Variants in NRG3 observed in about 807,000 individuals in gnomAD.
NRG3 encodes the protein neuregulin 3.
Under a neutral mutation model 66.9 loss-of-function variants are expected in NRG3, and 31 were observed. The observed-to-expected ratio is 0.46, with a 90% CI of 0.35 to 0.63. The LOEUF (loss-of-function observed/expected upper bound fraction) is 0.63, where lower values mean the gene tolerates loss of function less well. Ranked by LOEUF, NRG3 falls within the 20% of genes least tolerant of loss-of-function variation. The probability of loss-of-function intolerance (pLI) is 0.00; values close to 1 mark genes in which losing one functional copy is unlikely to be tolerated. For missense variants in NRG3, 910 were observed against 878.9 expected, an observed-to-expected ratio of 1.04 and a Z score of -0.45; for synonymous variants, 393 against 359.4, an observed-to-expected ratio of 1.09 and a Z score of -1.06.
chr10:82,501,882 G>T (rs1400256609), intron 2 of NRG3, among the ~76,000 whole-genome samples: 1 of 152,066 alleles, frequency 6.6e-6, no homozygotes, highest in Non-Finnish European at 1.5e-5. Context: ...CCCAATCAAA[G>T]TGTTAGCTTA....
At chr10:82,606,503 G>A (rs532996903) in intron 2 of NRG3, among the ~76,000 whole-genome samples, 2 of 152,200 alleles carry the variant, frequency 1.3e-5, no homozygotes, top group Admixed American at 6.6e-5. Flanking sequence ...ATTGAATGAA[G>A]CATTCTGTAG....
intron 2 of NRG3, among the ~76,000 whole-genome samples, chr10:82,728,514 C>T (rs2057731299): frequency 6.6e-6 from 1 of 152,204 alleles, no homozygotes; most frequent in African/African-American, 2.4e-5. Flanking sequence ...TGCCTTCTGC[C>T]ATGATTGTGA....
intron 1 of NRG3, among the ~76,000 whole-genome samples, chr10:81,886,437 A>G (rs984024725): frequency 3.9e-5 from 6 of 152,196 alleles, no homozygotes; most frequent in Non-Finnish European, 8.8e-5. Context: ...GTCACTTTAA[A>G]AAAAGTGCTT....
chr10:82,231,940 C>A (rs1443008123), intron 1 of NRG3, among the ~76,000 whole-genome samples: 1 of 152,196 alleles, frequency 6.6e-6, no homozygotes, highest in Non-Finnish European at 1.5e-5. Context: ...CTGCTTTCAA[C>A]TTTATCTTTC....
intron 2 of NRG3, among the ~76,000 whole-genome samples, chr10:82,660,668 T>C (rs2052285481): frequency 6.6e-6 from 1 of 152,216 alleles, no homozygotes; most frequent in East Asian, 1.9e-4. Context: ...AGATTTCTGC[T>C]CAGGATCTTT....
At position 81,876,111 on chromosome 10, in the gene NRG3, T is replaced by C. The variant is rs1564625426; in HGVS notation, c.771T>C (p.Ser257=). 1 of 1,610,156 alleles carries C rather than the reference T, an allele frequency of 6.2e-7. No homozygotes were observed. Among genetic ancestry groups the C allele is most frequent in the Non-Finnish European group, 8.5e-7 (1 of 1,178,442 alleles). The change falls in exon 1 of 9, where the codon TCT becomes TCC. Residue 257 remains serine, a synonymous_variant. Coordinates refer to ENST00000372141, the MANE Select transcript of NRG3 (RefSeq NM_001010848.4). ...FQDAASSSSS[S]SSSATTTTPE... is the part of the protein sequence containing the mutation. ...ATGCTGCCTCCTCTTCTTCCTCTTC[T>C]TCCTCCTCCGCTACCACCACCACAC... is the stretch of plus-strand genomic sequence containing the variant.
intron 4 of NRG3, among the ~76,000 whole-genome samples, chr10:82,918,012 CTATA>C: frequency 7.7e-6 from 1 of 129,820 alleles, no homozygotes; most frequent in African/African-American, 3.1e-5. Flanking sequence ...GTATCTCTCT[CTATA>C]TATATACATA....
intron 2 of NRG3, among the ~76,000 whole-genome samples, chr10:82,367,326 A>C (rs1258096341): frequency 6.6e-6 from 1 of 152,150 alleles, no homozygotes; most frequent in Non-Finnish European, 1.5e-5. Context: ...AAATTACCTA[A>C]TTGATTTTGG....
intron 1 of NRG3, among the ~76,000 whole-genome samples, chr10:81,980,354 GT>G (rs1289720956): frequency 6.6e-6 from 1 of 152,028 alleles, no homozygotes; most frequent in African/African-American, 2.4e-5. Flanking sequence ...GTTAATGAGG[GT>G]ATTATTATAT....
At chr10:82,515,810 G>A (rs539621707) in intron 2 of NRG3, among the ~76,000 whole-genome samples, 1 of 152,102 alleles carries the variant, frequency 6.6e-6, no homozygotes, top group African/African-American at 2.4e-5. Context: ...GAAGTTTATA[G>A]TATCCCCATT....
At chr10:82,336,254 G>A (rs1023487909) in intron 1 of NRG3, among the ~76,000 whole-genome samples, 1 of 151,826 alleles carries the variant, frequency 6.6e-6, no homozygotes, top group African/African-American at 2.4e-5. Flanking sequence ...GGAGTGCAGT[G>A]TGGAAGGGAC....
intron 2 of NRG3, among the ~76,000 whole-genome samples, chr10:82,663,708 A>G (rs2052545207): frequency 6.6e-6 from 1 of 152,222 alleles, no homozygotes; most frequent in Non-Finnish European, 1.5e-5. Flanking sequence ...CACTGCTGCA[A>G]ACACTAGAAA....
intron 1 of NRG3, among the ~76,000 whole-genome samples, chr10:82,008,178 G>A (rs60520766): frequency 0.018 from 2,666 of 152,222 alleles, 85 homozygotes; most frequent in African/African-American, 0.061. Context: ...CTTACAATCC[G>A]ATGGTTACTC....
chr10:82,398,126 G>A (rs760824157), intron 2 of NRG3, among the ~76,000 whole-genome samples: 1 of 151,984 alleles, frequency 6.6e-6, no homozygotes, highest in Non-Finnish European at 1.5e-5. Context: ...AGGCTTGCAG[G>A]GCTCGCTGGA....
intron 1 of NRG3, among the ~76,000 whole-genome samples, chr10:81,974,514 G>A (rs1038078543): frequency 4.6e-5 from 7 of 152,038 alleles, no homozygotes; most frequent in Non-Finnish European, 7.4e-5. Flanking sequence ...CCCCCTCCCC[G>A]ATAATGGAGT....
intron 3 of NRG3, chr10:82,843,217 A>G (rs12415342): frequency 0.016 from 7,278 of 453,630 alleles, 265 homozygotes; most frequent in East Asian, 0.11. Context: ...ATTTGTCATT[A>G]TAACAGTATT....
intron 2 of NRG3, among the ~76,000 whole-genome samples, chr10:82,407,645 T>A (rs2087622951): frequency 6.6e-6 from 1 of 152,178 alleles, no homozygotes; most frequent in Admixed American, 6.5e-5. Flanking sequence ...GGACAGCTGA[T>A]CACTGTTATT....
chr10:82,750,409 CAT>C (rs2058816983), intron 3 of NRG3, among the ~76,000 whole-genome samples: 1 of 152,140 alleles, frequency 6.6e-6, no homozygotes, highest in Non-Finnish European at 1.5e-5. Context: ...AATAATATCT[CAT>C]AATGTGGATT....
At chr10:82,598,796 T>TC (rs933201201) in intron 2 of NRG3, among the ~76,000 whole-genome samples, 2 of 152,154 alleles carry the variant, frequency 1.3e-5, no homozygotes, top group African/African-American at 4.8e-5. Context: ...ACTCCTGTAA[T>TC]CCCAGCACTT....
Sources: allele counts gnomAD v4.1 joint callset (sites outside exome capture counted in the v4.1 genomes callset), GRCh38; gene constraint gnomAD v4.1.1; transcripts MANE v1.5; gene names NCBI Gene and HGNC (gene_info 2026-07-23, HGNC 2026-07-21).